The following DPP6 variants were observed in gnomAD, a reference collection of about 807,000 sequenced individuals.
DPP6 encodes A-type potassium channel modulatory protein DPP6.
In DPP6, 69 loss-of-function variants were observed where a neutral mutation model predicts 122.6. That is an observed-to-expected ratio of 0.56 (90% CI 0.46 to 0.69). The LOEUF is 0.69. DPP6 is among the 30% of genes least tolerant of loss of function. The pLI is 0.00. For missense variants in DPP6, 928 were observed against 1,116.9 expected (o/e 0.83, Z 2.41); for synonymous variants, 418 against 433.1 (o/e 0.97, Z 0.43).
chr7:154,371,803 C>G (rs1003689661), intron 1 of DPP6, among the ~76,000 whole-genome samples: 2 of 150,832 alleles, frequency 1.3e-5, no homozygotes, highest in African/African-American at 2.4e-5. Flanking sequence ...TTCCAAACAC[C>G]AAGCAAAGGA....
the DPP6 span, among the ~76,000 whole-genome samples, chr7:153,837,837 A>ATTTTTTTTTTTTTTTTT: frequency 8.1e-3 from 653 of 80,608 alleles, 59 homozygotes; most frequent in South Asian, 0.013. Flanking sequence ...TGCCTGGTTA[A>ATTTTTTTTTTTTTTTTT]TTTTTTTTTT....
intron 1 of DPP6, among the ~76,000 whole-genome samples, chr7:153,989,449 G>A (rs1367583214): frequency 2.6e-5 from 4 of 151,342 alleles, no homozygotes; most frequent in Non-Finnish European, 4.4e-5. Context: ...TTGAGGAGGG[G>A]CTCGGAGGTC....
At chr7:153,823,386 C>T in the DPP6 span, among the ~76,000 whole-genome samples, 1 of 146,920 alleles carries the variant, frequency 6.8e-6, no homozygotes, top group South Asian at 2.2e-4. Flanking sequence ...TCTTGCCTCC[C>T]GGCTTCTGCC....
intron 5 of DPP6, among the ~76,000 whole-genome samples, chr7:154,569,107 G>T (rs1313593257): frequency 6.6e-6 from 1 of 151,894 alleles, no homozygotes; most frequent in Non-Finnish European, 1.5e-5. Flanking sequence ...GTAATAAAAG[G>T]ATTACATATG....
rs371768551 is a variant in DPP6, at chr7:154,259,185, G to T, written c.244-187029G>T. On this transcript the variant is annotated intron_variant, in intron 1 of 25. Coordinates refer to ENST00000377770, the MANE Select transcript of DPP6 (RefSeq NM_130797.4). ...CAAGCAGTTTTTCTGCATTCACTTA[G>T]TGCTTCTCCCAGACCAAATCACACA... 2.7e-4 allele frequency among the ~76,000 whole-genome samples: 41 copies of T among 152,300 alleles called. No homozygotes were observed. The East Asian group carries it at 6.2e-3, about 23-fold the overall frequency.
intron 8 of DPP6, among the ~76,000 whole-genome samples, chr7:154,746,682 C>T (rs1843051868): frequency 6.6e-6 from 1 of 152,188 alleles, no homozygotes; most frequent in South Asian, 2.1e-4. Context: ...TTCAACTTCC[C>T]TATGCTGTTT....
At chr7:154,811,764 A>G (rs1002702119) in intron 16 of DPP6, among the ~76,000 whole-genome samples, 1 of 152,146 alleles carries the variant, frequency 6.6e-6, no homozygotes, top group Admixed American at 6.5e-5. Context: ...GTCAATGCTC[A>G]TGTCCTGTCC....
intron 1 of DPP6, among the ~76,000 whole-genome samples, chr7:154,268,034 G>C (rs966174676): frequency 5.9e-5 from 9 of 151,846 alleles, no homozygotes; most frequent in African/African-American, 2.2e-4. Flanking sequence ...AAGCTCTTTG[G>C]GGTCCTCAAT....
At chr7:153,950,196 G>T (rs1302769807) in intron 1 of DPP6, among the ~76,000 whole-genome samples, 1 of 152,072 alleles carries the variant, frequency 6.6e-6, no homozygotes, top group African/African-American at 2.4e-5. Context: ...AGGGACAGGA[G>T]GCATTTAAGA....
chr7:154,738,236 A>G (rs902164612), intron 8 of DPP6, among the ~76,000 whole-genome samples: 15 of 152,208 alleles, frequency 9.9e-5, no homozygotes, highest in African/African-American at 3.6e-4. Context: ...TAGCATCTCC[A>G]GGGCCCCCCC....
At chr7:154,780,882 G>C (rs1248730414) in intron 10 of DPP6, among the ~76,000 whole-genome samples, 1 of 152,148 alleles carries the variant, frequency 6.6e-6, no homozygotes, top group Non-Finnish European at 1.5e-5. Flanking sequence ...TGGAGGGATG[G>C]ATTATGAATA....
the DPP6 span, among the ~76,000 whole-genome samples, chr7:153,876,977 T>C: frequency 6.6e-6 from 1 of 152,044 alleles, no homozygotes; most frequent in South Asian, 2.1e-4. Context: ...TAAATGGAGC[T>C]TCTGTAACTT....
At chr7:154,577,958 G>A (rs990960809) in intron 5 of DPP6, among the ~76,000 whole-genome samples, 3 of 152,294 alleles carry the variant, frequency 2.0e-5, no homozygotes, top group African/African-American at 7.2e-5. Context: ...ACGACAAACT[G>A]TACAGATTAA....
intron 1 of DPP6, among the ~76,000 whole-genome samples, chr7:154,108,491 T>C (rs934961310): frequency 6.6e-6 from 1 of 152,310 alleles, no homozygotes; most frequent in South Asian, 2.1e-4. Context: ...CTCCACCTTA[T>C]CAATTCCTGC....
chr7:154,463,168 G>A (rs1821442458), intron 2 of DPP6, among the ~76,000 whole-genome samples: 2 of 141,110 alleles, frequency 1.4e-5, no homozygotes, highest in Admixed American at 1.4e-4. Context: ...GCAACACAAA[G>A]TGCTTTTTAC....
intron 1 of DPP6, among the ~76,000 whole-genome samples, chr7:154,120,897 TC>T (rs1807400392): frequency 6.6e-6 from 1 of 152,156 alleles, no homozygotes; most frequent in Non-Finnish European, 1.5e-5. Context: ...TTTGGCTGTT[TC>T]CCCACCCAGA....
chr7:154,879,581 T>C (rs1241754651), intron 20 of DPP6, among the ~76,000 whole-genome samples: 2 of 62,020 alleles, frequency 3.2e-5, no homozygotes, highest in African/African-American at 9.4e-5. Context: ...ACAGCGAGAC[T>C]CCGTCTCAAA....
chr7:154,197,520 T>A (rs1332991384), intron 1 of DPP6, among the ~76,000 whole-genome samples: 1 of 152,236 alleles, frequency 6.6e-6, no homozygotes, highest in East Asian at 2.0e-4. Flanking sequence ...GTTCCTGATT[T>A]CGCTTTTGCA....
In DPP6 at chr7:154,517,048, C is replaced by T. The variant is rs1826574548; in HGVS notation, c.458-23484C>T. The stretch of plus-strand genomic sequence containing the variant: ...CACCAAAATGTAGCATGACACAGTC[C>T]CTCCCATGAAAGCAGAATGACACAT... On this transcript the variant is annotated intron_variant, in intron 3 of 25. Transcript: ENST00000377770. Among the ~76,000 whole-genome samples, 3 of 152,078 alleles carry T rather than the reference C, an allele frequency of 2.0e-5. No individual in the cohort carries two copies. The South Asian group carries it at 6.2e-4, about 32-fold the overall frequency.
Sources: allele counts gnomAD v4.1 joint callset (sites outside exome capture counted in the v4.1 genomes callset), GRCh38; gene constraint gnomAD v4.1.1; transcripts MANE v1.5; gene names NCBI Gene and HGNC (gene_info 2026-07-23, HGNC 2026-07-21).